Variants in LSM5 observed in about 807,000 individuals in gnomAD.
The protein encoded by LSM5 is U6 snRNA-associated Sm-like protein LSm5.
A neutral mutation model predicts 13.8 loss-of-function variants in LSM5; 8 were observed. That is an observed-to-expected ratio of 0.58 (90% CI 0.34 to 1.04). The LOEUF is 1.04. Ranked by LOEUF, LSM5 falls within the 50% of genes least tolerant of loss-of-function variation. The pLI is 0.03. For missense variants in LSM5, 80 were observed against 108.1 expected (o/e 0.74, Z 1.15); for synonymous variants, 35 against 37.0 (o/e 0.95, Z 0.20).
rs1786431323 is a variant in LSM5 at position 32,485,932 on chromosome 7, TGA to T, written c.*1327_*1328del. 1 of 107,220 alleles carries T rather than the reference TGA, an allele frequency of 9.3e-6. No individual in the cohort carries two copies. Among genetic ancestry groups the T allele is most frequent in the African/African-American group, 3.8e-5 (1 of 26,026 alleles). 6.6% of individuals were successfully genotyped at this position (107,220 alleles called of 1,614,324 possible). ...CCAAGATCATGCCACTGCATTCCAG[TGA>T]GACTCTCCAAAAAAAAAAAAAAAAA... On this transcript the variant is annotated 3_prime_UTR_variant, in exon 5 of 5. Coordinates refer to ENST00000450169, the MANE Select transcript of LSM5 (RefSeq NM_012322.3).
chr7:32,492,222 G>A (rs1305377912), upstream of LSM5, among the ~76,000 whole-genome samples: 1 of 152,094 alleles, frequency 6.6e-6, no homozygotes, highest in Non-Finnish European at 1.5e-5. Flanking sequence ...ATTTGATAGA[G>A]TTTTTAAAAA....
upstream of LSM5, among the ~76,000 whole-genome samples, chr7:32,493,536 CT>C (rs1583466109): frequency 9.4e-6 from 1 of 106,890 alleles, no homozygotes; most frequent in East Asian, 3.6e-4. Flanking sequence ...CTTTCTCTCT[CT>C]CTCCCTTTCT....
At chr7:32,495,270 C>T (rs1020578574), upstream of LSM5, 2 of 157,400 alleles carry the variant, frequency 1.3e-5, no homozygotes, top group African/African-American at 2.4e-5. Flanking sequence ...CAAGCCCAGC[C>T]GCCCGGGTCA....
At chr7:32,487,793 G>T in intron 3 of LSM5, 36 bp from the exon 4 acceptor site, 1 of 1,122,214 alleles carries the variant, frequency 8.9e-7, no homozygotes, top group Non-Finnish European at 1.4e-6. Flanking sequence ...AGGACAAACA[G>T]TGAAAATCAA....
chr7:32,494,721 G>A (rs1018930079), upstream of LSM5, among the ~76,000 whole-genome samples: 3 of 152,202 alleles, frequency 2.0e-5, no homozygotes, highest in African/African-American at 7.2e-5. Context: ...TGACAACAGA[G>A]CCCATATATT....
At chr7:32,487,332 C>T in intron 4 of LSM5, 39 bp from the exon 5 acceptor site, 1 of 1,583,044 alleles carries the variant, frequency 6.3e-7, no homozygotes, top group East Asian at 2.2e-5. Flanking sequence ...ATAACACTAC[C>T]ACCATGTCAT....
chr7:32,487,511 T>A, intron 4 of LSM5, 174 bp downstream of exon 4: 1 of 668,050 alleles, frequency 1.5e-6, no homozygotes. Context: ...TTAGACCCAA[T>A]GCCTCTTCAA....
chr7:32,494,668 AAAG>A (rs1363850072), upstream of LSM5, among the ~76,000 whole-genome samples: 1 of 152,262 alleles, frequency 6.6e-6, no homozygotes, highest in African/African-American at 2.4e-5. Context: ...ACTGCTTAAA[AAAG>A]AATTGTAGTA....
At position 32,487,273 on chromosome 7, in the gene LSM5, T is replaced by A. The variant is rs1207097437; in HGVS notation, c.264A>T (p.Gly88=). ...NITMLVPGGE[G]PEV ...CAAGGAAACTCATTCACACTTCAGG[T>A]CCTTCTCCTCCAGGAACCAGCTGCA... is the stretch of plus-strand genomic sequence containing the variant. Residue 88 remains glycine (G), a synonymous_variant, in exon 5 of 5, where the codon GGA becomes GGT. Coordinates refer to ENST00000450169, the MANE Select transcript of LSM5 (RefSeq NM_012322.3). The A allele has an allele frequency of 6.2e-7, 1 of 1,613,762 alleles. No homozygotes were observed.
intron 4 of LSM5, 136 bp downstream of exon 4, chr7:32,487,549 G>A (rs754682786): frequency 7.2e-6 from 5 of 695,142 alleles, no homozygotes; most frequent in Non-Finnish European, 1.3e-5. Flanking sequence ...CCTGACCACA[G>A]AGAACCCCTT....
upstream of LSM5, among the ~76,000 whole-genome samples, chr7:32,491,757 T>A (rs898030622): frequency 6.6e-5 from 10 of 152,228 alleles, no homozygotes; most frequent in Non-Finnish European, 1.5e-4. Flanking sequence ...CATAGCCCTT[T>A]TAAACATGAG....
intron 2 of LSM5, 53 bp from the exon 3 acceptor site, chr7:32,488,705 T>C: frequency 8.0e-7 from 1 of 1,254,690 alleles, no homozygotes; most frequent in Non-Finnish European, 1.2e-6. Flanking sequence ...GCTTCTGCCT[T>C]TGTTCAGCTT....
rs546272329 is a variant in LSM5, at chr7:32,487,201, AT to A, written c.*59del. 100 of 1,483,230 alleles carry A rather than the reference AT, an allele frequency of 6.7e-5. No individual in the cohort carries two copies. In the South Asian group the frequency reaches 1.1e-3, roughly 16 times the overall value. 91.9% of individuals were successfully genotyped at this position (1,483,230 alleles called of 1,614,324 possible). A position where few individuals can be genotyped will look rare whatever the true frequency, so the allele number is the denominator to read the frequency against. ...TAAACATTAGAAAGTGGGAAAAAAA[AT>A]TCCATTTTCTTGTCATTATAAGCCA... On this transcript the variant is annotated 3_prime_UTR_variant, in exon 5 of 5. Coordinates refer to ENST00000450169, the MANE Select transcript of LSM5 (RefSeq NM_012322.3).
chr7:32,486,967 A>C lies in LSM5; in HGVS notation c.*294T>G, dbSNP rs76154238. 2.9e-3 allele frequency: 1,167 copies of C among 406,360 alleles called. 12 individuals carry two copies. The highest frequency in any genetic ancestry group is 0.023 in the African/African-American group (1,090 of 47,574). The allele number at this position is 406,360 out of a possible 1,614,324, so 25.2% of individuals were successfully genotyped here. A position where few individuals can be genotyped will look rare whatever the true frequency, so the allele number is the denominator to read the frequency against. On this transcript the variant is annotated 3_prime_UTR_variant, in exon 5 of 5. Coordinates refer to ENST00000450169, the MANE Select transcript of LSM5 (RefSeq NM_012322.3). Reference sequence around the variant, plus strand: ...AACAAATAAGCATATAATGACAGAAAAGTAAGTGGCAAAATAACTACAAAC... The same window carrying C: ...AACAAATAAGCATATAATGACAGAACAGTAAGTGGCAAAATAACTACAAAC...
chr7:32,494,271 T>TAATA (rs1409505801), upstream of LSM5, among the ~76,000 whole-genome samples: 19 of 152,242 alleles, frequency 1.2e-4, no homozygotes, highest in African/African-American at 4.6e-4. Context: ...AAACAGTTAA[T>TAATA]ATATTAAGAA....
At chr7:32,490,429 T>C, upstream of LSM5, 1 of 1,379,218 alleles carries the variant, frequency 7.3e-7, no homozygotes, top group Admixed American at 1.7e-5. Flanking sequence ...GCGCTTCCGC[T>C]TTTTCCGCAG....
chr7:32,491,397 C>A (rs1293869644), upstream of LSM5, among the ~76,000 whole-genome samples: 101 of 97,866 alleles, frequency 1.0e-3, no homozygotes, highest in South Asian at 2.5e-3. Context: ...AACTCCATCT[C>A]AAAAAAAAAA....
chr7:32,491,734 A>T (rs563179657), upstream of LSM5, among the ~76,000 whole-genome samples: 1 of 152,360 alleles, frequency 6.6e-6, no homozygotes, highest in African/African-American at 2.4e-5. Flanking sequence ...AGTGGTCAGC[A>T]TAGGACCTGG....
upstream of LSM5, among the ~76,000 whole-genome samples, chr7:32,492,872 T>G (rs1451880024): frequency 6.6e-6 from 1 of 152,266 alleles, no homozygotes; most frequent in Non-Finnish European, 1.5e-5. Context: ...CTCTTCCATG[T>G]ATTATATGTT....
Sources: gnomAD v4.1 joint callset for allele counts (sites outside exome capture counted in the v4.1 genomes callset) on GRCh38, gnomAD v4.1.1 for gene constraint, MANE v1.5 for transcripts, NCBI Gene and HGNC (gene_info 2026-07-23, HGNC 2026-07-21) for gene names.